HCN2: variants seen among roughly 807,000 people sequenced by gnomAD.
HCN2 encodes the protein hyperpolarization activated cyclic nucleotide gated potassium and sodium channel 2.
In HCN2, 20 loss-of-function variants were observed where a neutral mutation model predicts 52.3. The observed-to-expected ratio is 0.38, with a 90% CI of 0.27 to 0.56. The LOEUF (loss-of-function observed/expected upper bound fraction) is 0.56. Ranked by LOEUF, HCN2 falls within the 20% of genes least tolerant of loss-of-function variation. HCN2 has a pLI of 0.71. For missense variants in HCN2, 981 were observed against 1,207.7 expected (o/e 0.81, Z 2.78); for synonymous variants, 694 against 537.0 (o/e 1.29, Z -4.04).
chr19:590,752 A>C lies in HCN2; in HGVS notation c.632+175A>C. On this transcript the variant is annotated intron_variant, in intron 1 of 7. Coordinates refer to ENST00000251287, the MANE Select transcript of HCN2 (RefSeq NM_001194.4). This position sits in a 1 kb window ranked among gnomAD's most constrained non-coding sequence, Gnocchi z 7.2. ...CGCCCCGGAGTGACCCCGGCGCGCG[A>C]GGCTCCGCCTCTGGGGGGGCTCCCC... The C allele has an allele frequency of 2.7e-6, 1 of 369,998 alleles. No individual in the cohort carries two copies. Among genetic ancestry groups the C allele is most frequent in the Non-Finnish European group, 4.5e-6 (1 of 220,828 alleles). 22.9% of individuals were successfully genotyped at this position (369,998 alleles called of 1,614,324 possible). A position where few individuals can be genotyped will look rare whatever the true frequency, so the allele number is the denominator to read the frequency against.
intron 1 of HCN2, among the ~76,000 whole-genome samples, chr19:602,977 G>GGT (rs1322534468): frequency 2.7e-4 from 26 of 97,014 alleles, no homozygotes; most frequent in Non-Finnish European, 5.2e-4. Context: ...CTGAGCTGTG[G>GGT]GCACCCTCGT....
At chr19:599,216 C>T (rs769382679) in intron 1 of HCN2, among the ~76,000 whole-genome samples, 4 of 152,238 alleles carry the variant, frequency 2.6e-5, no homozygotes, top group Non-Finnish European at 4.4e-5. Context: ...ACCGTTTCCT[C>T]GGGATCATTT....
At chr19:615,328 T>G (rs1471509985) in intron 7 of HCN2, among the ~76,000 whole-genome samples, 1 of 151,436 alleles carries the variant, frequency 6.6e-6, no homozygotes, top group Non-Finnish European at 1.5e-5. Context: ...GCTAACATGG[T>G]GAAACCCCGT....
Position 589,895 on chromosome 19 carries a change from C to CCGGCGG in HCN2, c.-37_-32dup, listed in dbSNP as rs1035520656. ...GCCTCCCCCCTCCCTCGGGCTCCGG[C>CCGGCGG]CGGCGGCGGCGGCGGCGGCTCCGCT... is the stretch of plus-strand genomic sequence containing the variant. On this transcript the variant is annotated 5_prime_UTR_variant, in exon 1 of 8. Transcript: ENST00000251287. 14 of 712,524 alleles carry CCGGCGG rather than the reference C, an allele frequency of 2.0e-5. No homozygotes were observed. The highest frequency in any genetic ancestry group is 2.0e-5 in the Non-Finnish European group (12 of 593,492). The allele number at this position is 712,524 out of a possible 1,614,324, so 44.1% of individuals were successfully genotyped here.
chr19:613,578 CGGGGA>C (rs1983743750), intron 6 of HCN2, 90 bp downstream of exon 6: 1 of 219,550 alleles, frequency 4.6e-6, no homozygotes, highest in Non-Finnish European at 6.6e-6. Flanking sequence ...GGGCCGGGGC[CGGGGA>C]TGGGGATGGG....
In HCN2 at chr19:591,774, G is replaced by T. The variant is rs768690847; in HGVS notation, c.632+1197G>T. On this transcript the variant is annotated intron_variant, in intron 1 of 7. Transcript: ENST00000251287. This position sits in a 1 kb window ranked among gnomAD's most constrained non-coding sequence, Gnocchi z 4.1. Reference sequence around the variant, plus strand: ...CCCAGGACAGCCCCCACGGACCCTGGACCCCCGGAACTGGGCAGGGAGGCT... The same window carrying T: ...CCCAGGACAGCCCCCACGGACCCTGTACCCCCGGAACTGGGCAGGGAGGCT... Among the ~76,000 whole-genome samples, 1 of 152,142 alleles carries T rather than the reference G, an allele frequency of 6.6e-6. No individual in the cohort carries two copies. The highest frequency in any genetic ancestry group is 1.5e-5 in the Non-Finnish European group (1 of 68,010).
At chr19:611,914 G>A (rs939799828) in intron 5 of HCN2, among the ~76,000 whole-genome samples, 9 of 152,212 alleles carry the variant, frequency 5.9e-5, no homozygotes, top group Non-Finnish European at 1.3e-4. Flanking sequence ...CAGAGGCCGA[G>A]ACGGGCAGAT....
intron 7 of HCN2, among the ~76,000 whole-genome samples, chr19:614,995 T>C (rs1983832595): frequency 6.6e-6 from 1 of 152,122 alleles, no homozygotes; most frequent in South Asian, 2.1e-4. Context: ...TCTCCACAAC[T>C]TGCTCTATAC....
rs939901221 is a variant in HCN2 at position 610,556 on chromosome 19, C to A, written c.1584+151C>A. 6 of 668,656 alleles carry A rather than the reference C, an allele frequency of 9.0e-6. No individual in the cohort carries two copies. In the East Asian group the frequency reaches 1.4e-4, roughly 15 times the overall value. The allele number at this position is 668,656 out of a possible 1,614,324, so 41.4% of individuals were successfully genotyped here. A position where few individuals can be genotyped will look rare whatever the true frequency, so the allele number is the denominator to read the frequency against. Reference sequence around the variant, plus strand: ...TAGACCTGCGTACACACCCTCCCCTCCCCGCCCCGTGAGCCTCTGCACCCC... The same window carrying A: ...TAGACCTGCGTACACACCCTCCCCTACCCGCCCCGTGAGCCTCTGCACCCC... On this transcript the variant is annotated intron_variant, in intron 5 of 7. Coordinates refer to ENST00000251287, the MANE Select transcript of HCN2 (RefSeq NM_001194.4).
At position 613,517 on chromosome 19, in the gene HCN2, G is replaced by C. The variant is rs142450059; in HGVS notation, c.1825+29G>C. 2.8e-6 allele frequency: 3 copies of C among 1,086,272 alleles called. 1 individual carries two copies. Among genetic ancestry groups the C allele is most frequent in the Non-Finnish European group, 4.0e-6 (3 of 751,820 alleles). 67.3% of individuals were successfully genotyped at this position (1,086,272 alleles called of 1,614,324 possible). ...AGCTTGAGGGGGGCGCGCCTGGAGGGGGAGGGGGCACGCGACCCCCGCGGT... is the reference window on the plus strand; with the variant it reads ...AGCTTGAGGGGGGCGCGCCTGGAGGCGGAGGGGGCACGCGACCCCCGCGGT... On this transcript the variant is annotated intron_variant, in intron 6 of 7. Coordinates refer to ENST00000251287, the MANE Select transcript of HCN2 (RefSeq NM_001194.4).
Position 613,355 on chromosome 19 carries a change from C to A in HCN2, c.1692C>A (p.Val564=), listed in dbSNP as rs371706250. 6.2e-7 allele frequency: 1 copy of A among 1,613,090 alleles called. No homozygotes were observed. The highest frequency in any genetic ancestry group is 1.1e-5 in the South Asian group (1 of 91,076). ...TAMLTKLKFE[V]FQPGDYIIRE... The stretch of plus-strand genomic sequence containing the variant: ...TGCTGACCAAGCTCAAGTTCGAGGT[C>A]TTCCAGCCGGGTGACTACATCATCC... The change falls in exon 6 of 8, where the codon GTC becomes GTA. Residue 564 remains valine, a synonymous_variant. Coordinates refer to ENST00000251287, the MANE Select transcript of HCN2 (RefSeq NM_001194.4).
chr19:613,161 C>G, intron 5 of HCN2, 87 bp from the exon 6 acceptor site: 1 of 1,480,460 alleles, frequency 6.8e-7, no homozygotes, highest in Non-Finnish European at 9.1e-7. Flanking sequence ...AAACTGGGGT[C>G]CGAGAGGTGA....
At chr19:610,135 G>C (rs149890143) in intron 4 of HCN2, 124 bp from the exon 5 acceptor site, 1 of 1,174,132 alleles carries the variant, frequency 8.5e-7, no homozygotes, top group Non-Finnish European at 1.2e-6. Flanking sequence ...AGGTGCCCGT[G>C]TGCCCGCTGC....
At chr19:604,995 G>T in intron 2 of HCN2, 66 bp from the exon 3 acceptor site, 5 of 1,546,996 alleles carry the variant, frequency 3.2e-6, no homozygotes, top group Non-Finnish European at 3.5e-6. Flanking sequence ...GGCGCACGGG[G>T]CTGGGGCTCT....
chr19:597,029 C>T (rs950845611), intron 1 of HCN2, among the ~76,000 whole-genome samples: 1 of 152,188 alleles, frequency 6.6e-6, no homozygotes, highest in African/African-American at 2.4e-5. Context: ...TTCCTTCTGA[C>T]CTCTGGCTGG....
Position 603,635 on chromosome 19 carries a change from G to A in HCN2, c.724G>A (p.Ala242Thr). 15 of 1,612,382 alleles carry A rather than the reference G, an allele frequency of 9.3e-6. No homozygotes were observed. The highest frequency in any genetic ancestry group is 1.3e-5 in the African/African-American group (1 of 74,940). The change falls in exon 2 of 8, where the codon GCC becomes ACC. Residue 242 changes from alanine to threonine, a missense_variant. By Grantham distance (58) the Ala-to-Thr change is moderately conservative. This residue lies in a region of HCN2 where 282 missense variants were observed against 553.8 expected (regional missense o/e 0.51). Coordinates refer to ENST00000251287, the MANE Select transcript of HCN2 (RefSeq NM_001194.4). Reference protein sequence around the residue: ...GITFFKDETTAPWIVFNVVSD... With the variant: ...GITFFKDETTTPWIVFNVVSD... ...CACCTTCTTCAAGGATGAGACCACT[G>A]CCCCGTGGATCGTGTTCAACGTGGT...
chr19:614,078 C>CGGGTGCCCTGGCGGGGG, intron 7 of HCN2, 62 bp downstream of exon 7: 1 of 1,169,820 alleles, frequency 8.5e-7, no homozygotes. Context: ...GTGGCCAAGG[C>CGGGTGCCCTGGCGGGGG]ATCAGGAGAG....
chr19:590,609 G>C lies in HCN2; in HGVS notation c.632+32G>C. 2 of 1,327,206 alleles carry C rather than the reference G, an allele frequency of 1.5e-6. No homozygotes were observed. The highest frequency in any genetic ancestry group is 1.9e-6 in the Non-Finnish European group (2 of 1,026,118). The allele number at this position is 1,327,206 out of a possible 1,614,324, so 82.2% of individuals were successfully genotyped here. A position where few individuals can be genotyped will look rare whatever the true frequency, so the allele number is the denominator to read the frequency against. On this transcript the variant is annotated intron_variant, in intron 1 of 7. Coordinates refer to ENST00000251287, the MANE Select transcript of HCN2 (RefSeq NM_001194.4). This position sits in a 1 kb window ranked among gnomAD's most constrained non-coding sequence, Gnocchi z 7.2. ...CCTCCGGGAGGGCCGGTCGGCGCGA[G>C]GGGGCCCGGGGAGCCGGGCGCGCGG...
At chr19:613,582 GATGGGGATGGGGATGGGGAT>G (rs1568368612) in intron 6 of HCN2, 94 bp downstream of exon 6, 1,803 of 152,300 alleles carry the variant, frequency 0.012, 56 homozygotes, top group African/African-American at 0.019. Flanking sequence ...CGGGGCCGGG[GATGGGGATGGGGATGGGGAT>G]GGGGCCGGGG....
Sources: allele counts gnomAD v4.1 joint callset (sites outside exome capture counted in the v4.1 genomes callset), GRCh38; gene constraint gnomAD v4.1.1; regional missense constraint gnomAD v4.1.1; non-coding constraint Gnocchi (gnomAD v3.1); transcripts MANE v1.5; gene names NCBI Gene and HGNC (gene_info 2026-07-23, HGNC 2026-07-21).